Variants in NTRK2 observed in about 807,000 individuals in gnomAD.
NTRK2 encodes BDNF/NT-3 growth factors receptor.
Under a neutral mutation model 94.5 loss-of-function variants are expected in NTRK2, and 13 were observed. That is an observed-to-expected ratio of 0.14 (90% CI 0.09 to 0.22). NTRK2 has a LOEUF of 0.22. Among genes scored for constraint, NTRK2 ranks in the 10% least tolerant of loss-of-function variants. The pLI is 1.00. For synonymous variants in NTRK2, 372 were observed against 407.4 expected (o/e 0.91, Z 1.05); for missense variants, 639 against 1,071.2 (o/e 0.60, Z 5.63).
chr9:84,969,199 G>C (rs1328583231), intron 17 of NTRK2, among the ~76,000 whole-genome samples: 1 of 151,880 alleles, frequency 6.6e-6, no homozygotes, highest in Non-Finnish European at 1.5e-5. Context: ...AAAGGCAACT[G>C]TAGCCACCAC....
chr9:85,006,483 C>T (rs575552317), intron 17 of NTRK2, among the ~76,000 whole-genome samples: 2 of 150,196 alleles, frequency 1.3e-5, no homozygotes, highest in East Asian at 1.9e-4. Context: ...AGACTGCCAT[C>T]CTGAGGCTCC....
intron 16 of NTRK2, among the ~76,000 whole-genome samples, chr9:84,949,259 C>G (rs1293848819): frequency 6.6e-6 from 1 of 152,130 alleles, no homozygotes; most frequent in Non-Finnish European, 1.5e-5. Context: ...ATTGAAGACT[C>G]CAGATTATGC....
intron 17 of NTRK2, among the ~76,000 whole-genome samples, chr9:85,015,143 A>G (rs754098989): frequency 1.3e-5 from 2 of 152,198 alleles, no homozygotes; most frequent in Non-Finnish European, 2.9e-5. Context: ...GAGATGTGAT[A>G]CTAGTAACTA....
chr9:84,992,036 G>A (rs1341934117), intron 17 of NTRK2, among the ~76,000 whole-genome samples: 2 of 152,174 alleles, frequency 1.3e-5, no homozygotes, highest in African/African-American at 4.8e-5. Flanking sequence ...AGACCCCAGT[G>A]AGGGAGGTGC....
intron 14 of NTRK2, among the ~76,000 whole-genome samples, chr9:84,933,704 T>C (rs2078117019): frequency 6.6e-6 from 1 of 152,196 alleles, no homozygotes; most frequent in Admixed American, 6.5e-5. Context: ...TGCATTTTCC[T>C]TTTGTATCCT....
chr9:84,875,877 A>G, intron 14 of NTRK2: 2 of 1,041,140 alleles, frequency 1.9e-6, no homozygotes, highest in Non-Finnish European at 1.2e-6. Context: ...GATATTTTGC[A>G]CAGTAATATT....
intron 14 of NTRK2, among the ~76,000 whole-genome samples, chr9:84,871,578 C>T (rs1392606102): frequency 2.0e-5 from 3 of 152,164 alleles, no homozygotes; most frequent in Admixed American, 1.3e-4. Flanking sequence ...CAAACATGAT[C>T]AAATTCGACT....
chr9:84,970,781 T>A (rs1826101138), intron 17 of NTRK2, among the ~76,000 whole-genome samples: 1 of 152,258 alleles, frequency 6.6e-6, no homozygotes, highest in African/African-American at 2.4e-5. Context: ...TCATTTGGTA[T>A]GATTTCATCT....
intron 12 of NTRK2, among the ~76,000 whole-genome samples, chr9:84,776,212 T>TA (rs2067024834): frequency 6.6e-6 from 1 of 151,924 alleles, no homozygotes; most frequent in Non-Finnish European, 1.5e-5. Context: ...TTAAAAGCTT[T>TA]GTTATTTATT....
intron 17 of NTRK2, among the ~76,000 whole-genome samples, chr9:84,961,966 C>T (rs1588056578): frequency 1.3e-5 from 2 of 152,318 alleles, no homozygotes; most frequent in Admixed American, 1.3e-4. Flanking sequence ...GTAAACATCA[C>T]AGTATGTGAT....
intron 2 of NTRK2, among the ~76,000 whole-genome samples, chr9:84,697,337 C>G (rs1001941248): frequency 8.5e-5 from 13 of 152,158 alleles, no homozygotes; most frequent in South Asian, 2.1e-4. Flanking sequence ...TGGGCCTAAG[C>G]TTTCTAGAGC....
At chr9:84,876,004 T>C (rs187844192) in intron 14 of NTRK2, 2 of 1,031,830 alleles carry the variant, frequency 1.9e-6, no homozygotes, top group African/African-American at 3.4e-5. Context: ...AAAACAATAA[T>C]ATAATCCTAG....
intron 14 of NTRK2, among the ~76,000 whole-genome samples, chr9:84,887,061 T>A (rs2076438370): frequency 1.3e-5 from 2 of 152,200 alleles, no homozygotes; most frequent in African/African-American, 4.8e-5. Context: ...GAACAAAAGA[T>A]AAGATTCAGC....
intron 14 of NTRK2, chr9:84,877,472 G>A (rs2076109437): frequency 9.4e-7 from 1 of 1,065,996 alleles, no homozygotes; most frequent in Non-Finnish European, 1.1e-6. Context: ...TGGCTAATGG[G>A]CACTACATCT....
chr9:84,754,896 A>G (rs1020672868), intron 12 of NTRK2, among the ~76,000 whole-genome samples: 5 of 152,150 alleles, frequency 3.3e-5, no homozygotes, highest in African/African-American at 1.2e-4. Context: ...TCGAGTGTTG[A>G]CTGTTTCAAT....
intron 15 of NTRK2, among the ~76,000 whole-genome samples, chr9:84,936,445 G>A (rs936553725): frequency 6.6e-6 from 1 of 152,136 alleles, no homozygotes; most frequent in Non-Finnish European, 1.5e-5. Flanking sequence ...GACATCTTAT[G>A]CCATTCCAGT....
At chr9:84,877,608 G>A (rs980444908) in intron 14 of NTRK2, 2 of 1,065,728 alleles carry the variant, frequency 1.9e-6, no homozygotes, top group Non-Finnish European at 2.3e-6. Flanking sequence ...GCACCATGTT[G>A]GGCTGCGGTA....
At chr9:84,964,441 A>G (rs1290997416) in intron 17 of NTRK2, among the ~76,000 whole-genome samples, 4 of 152,160 alleles carry the variant, frequency 2.6e-5, no homozygotes, top group Admixed American at 2.0e-4. Flanking sequence ...CTGTTTTCTC[A>G]GATCTTTTGG....
intron 4 of NTRK2, among the ~76,000 whole-genome samples, chr9:84,706,038 C>G (rs781447165): frequency 2.6e-5 from 4 of 152,070 alleles, no homozygotes; most frequent in Non-Finnish European, 5.9e-5. Context: ...GATCCAACAG[C>G]CTTAGCTTCC....
Sources: allele counts gnomAD v4.1 joint callset (sites outside exome capture counted in the v4.1 genomes callset), GRCh38; gene constraint gnomAD v4.1.1; transcripts MANE v1.5; gene names NCBI Gene and HGNC (gene_info 2026-07-23, HGNC 2026-07-21).